Variants in CSMD1 observed in about 807,000 individuals in gnomAD.
CSMD1 encodes CUB and Sushi multiple domains 1, also known as CUB and sushi domain-containing protein 1.
CSMD1 carries 213 observed loss-of-function variants against 417.5 expected under a neutral mutation model. The ratio of observed to expected loss-of-function variants is 0.51; its 90% CI spans 0.46 to 0.57. The LOEUF is 0.57. Ranked by LOEUF, CSMD1 falls within the 20% of genes least tolerant of loss-of-function variation. The pLI, the probability that CSMD1 is intolerant of heterozygous loss-of-function variation, is 0.00. For synonymous variants in CSMD1, 2,862 were observed against 1,736.8 expected (o/e 1.65, Z -16.11); for missense variants, 6,923 against 4,529.7 (o/e 1.53, Z -15.17).
At chr8:3,559,636 T>A (rs1417359348) in intron 10 of CSMD1, among the ~76,000 whole-genome samples, 1 of 152,210 alleles carries the variant, frequency 6.6e-6, no homozygotes, top group South Asian at 2.1e-4. Flanking sequence ...ATCTTGAGAT[T>A]AAAGCATTTC....
At chr8:3,465,685 G>C (rs1012426977) in intron 12 of CSMD1, among the ~76,000 whole-genome samples, 1 of 152,180 alleles carries the variant, frequency 6.6e-6, no homozygotes, top group African/African-American at 2.4e-5. Flanking sequence ...GTTGGAGTAG[G>C]TAGGTCAGTA....
At chr8:3,067,118 G>A (rs551360161) in intron 49 of CSMD1, among the ~76,000 whole-genome samples, 333 of 152,192 alleles carry the variant, frequency 2.2e-3, no homozygotes, top group African/African-American at 7.8e-3. Context: ...ATCAGTCTAC[G>A]GAATGAATGG....
At position 3,847,662 on chromosome 8, in the gene CSMD1, C is replaced by T. The variant is rs746843746; in HGVS notation, c.819-93620G>A. On this transcript the variant is annotated intron_variant, in intron 5 of 69. Coordinates refer to ENST00000635120, the MANE Select transcript of CSMD1 (RefSeq NM_033225.6). ...ACGGATGCACTGCCTTCAGCTGCTG[C>T]ATTTCTGGTCATTTGCTACTCAGCC... is the stretch of plus-strand genomic sequence containing the variant. 2.6e-5 allele frequency among the ~76,000 whole-genome samples: 4 copies of T among 152,066 alleles called. No individual in the cohort carries two copies. The South Asian group carries it at 6.2e-4, about 24-fold the overall frequency.
intron 5 of CSMD1, among the ~76,000 whole-genome samples, chr8:3,886,903 A>G (rs1665990982): frequency 6.6e-6 from 1 of 152,210 alleles, no homozygotes; most frequent in Admixed American, 6.5e-5. Flanking sequence ...TTCACTGAGC[A>G]TAAACACAGC....
At chr8:3,830,345 C>A (rs543301380) in intron 5 of CSMD1, among the ~76,000 whole-genome samples, 1 of 152,338 alleles carries the variant, frequency 6.6e-6, no homozygotes, top group Non-Finnish European at 1.5e-5. Context: ...GTCGTTGGTT[C>A]ACATCTCTGC....
chr8:3,545,160 A>C, intron 10 of CSMD1, among the ~76,000 whole-genome samples: 1 of 152,170 alleles, frequency 6.6e-6, no homozygotes, highest in African/African-American at 2.4e-5. Context: ...AATCTATTAC[A>C]GTAAAGGACT....
At chr8:3,360,967 T>C (rs1471822622) in intron 20 of CSMD1, among the ~76,000 whole-genome samples, 2 of 152,098 alleles carry the variant, frequency 1.3e-5, no homozygotes, top group Non-Finnish European at 2.9e-5. Context: ...ACTTCCTTCA[T>C]CTCACTTAGC....
chr8:3,484,722 G>T (rs1165306627), intron 11 of CSMD1, among the ~76,000 whole-genome samples: 2 of 152,196 alleles, frequency 1.3e-5, no homozygotes, highest in Non-Finnish European at 2.9e-5. Context: ...ACTACACAAA[G>T]AATTCTCCAA....
At chr8:4,330,515 A>T (rs1413146293) in intron 3 of CSMD1, among the ~76,000 whole-genome samples, 1 of 151,844 alleles carries the variant, frequency 6.6e-6, no homozygotes, top group Non-Finnish European at 1.5e-5. Flanking sequence ...ACTTGAACCG[A>T]GGAGGCAGAG....
At chr8:3,316,294 A>C (rs1361374404) in intron 23 of CSMD1, among the ~76,000 whole-genome samples, 1 of 152,204 alleles carries the variant, frequency 6.6e-6, no homozygotes, top group African/African-American at 2.4e-5. Context: ...ATTACTTGCC[A>C]ATAAAAATAA....
rs1371911096 is a variant in CSMD1 at position 3,838,772 on chromosome 8, T to C, written c.819-84730A>G. ...ATAATAAATATTATATAGTATAATA[T>C]ATAATAAATTGATATTATATAGTAT... On this transcript the variant is annotated intron_variant, in intron 5 of 69. Transcript: ENST00000635120. Among the ~76,000 whole-genome samples the C allele has an allele frequency of 2.8e-5, 3 of 108,282 alleles. No individual in the cohort carries two copies. In the East Asian group the frequency reaches 7.2e-4, roughly 26 times the overall value. The allele number at this position is 108,282 out of a possible 152,430, so 71.0% of individuals were successfully genotyped here.
At chr8:4,254,079 G>A (rs1165185495) in intron 3 of CSMD1, among the ~76,000 whole-genome samples, 1 of 151,736 alleles carries the variant, frequency 6.6e-6, no homozygotes, top group Non-Finnish European at 1.5e-5. Context: ...ACCACGCCTG[G>A]CTAATTTTTT....
chr8:3,761,765 T>TA (rs1473289318), intron 5 of CSMD1, among the ~76,000 whole-genome samples: 2 of 152,118 alleles, frequency 1.3e-5, no homozygotes, highest in Non-Finnish European at 2.9e-5. Context: ...TTAGGCCTCC[T>TA]AAAGTGCTAG....
intron 2 of CSMD1, among the ~76,000 whole-genome samples, chr8:4,496,374 C>A (rs1055598777): frequency 6.6e-6 from 1 of 152,140 alleles, no homozygotes; most frequent in Non-Finnish European, 1.5e-5. Flanking sequence ...GGAGTCCATC[C>A]TGACAGGGGG....
chr8:3,488,936 A>G (rs1585240333), intron 11 of CSMD1, among the ~76,000 whole-genome samples: 1 of 152,326 alleles, frequency 6.6e-6, no homozygotes, highest in South Asian at 2.1e-4. Context: ...TTTAAAACCG[A>G]AAATGTATTT....
intron 2 of CSMD1, among the ~76,000 whole-genome samples, chr8:4,565,176 A>C (rs1798530672): frequency 6.6e-6 from 1 of 152,234 alleles, no homozygotes; most frequent in Non-Finnish European, 1.5e-5. Flanking sequence ...CCAATGATGA[A>C]AAACAATAAC....
intron 23 of CSMD1, among the ~76,000 whole-genome samples, chr8:3,314,581 T>C (rs1186744019): frequency 6.6e-6 from 1 of 152,236 alleles, no homozygotes; most frequent in Admixed American, 6.5e-5. Flanking sequence ...TTAGTAATTC[T>C]ATTTCTTTGT....
chr8:4,588,244 C>A (rs1317229333), intron 2 of CSMD1, among the ~76,000 whole-genome samples: 5 of 151,732 alleles, frequency 3.3e-5, no homozygotes, highest in Admixed American at 3.3e-4. Context: ...ACTCAATGGC[C>A]GTCAGAAGAC....
At chr8:4,111,797 G>C (rs1049883714) in intron 3 of CSMD1, among the ~76,000 whole-genome samples, 5 of 152,106 alleles carry the variant, frequency 3.3e-5, no homozygotes, top group Non-Finnish European at 7.4e-5. Flanking sequence ...AGAGCATCAG[G>C]ATAAATAGCT....
Sources: gnomAD v4.1 joint callset for allele counts (sites outside exome capture counted in the v4.1 genomes callset) on GRCh38, gnomAD v4.1.1 for gene constraint, MANE v1.5 for transcripts, NCBI Gene and HGNC (gene_info 2026-07-23, HGNC 2026-07-21) for gene names.